SKAP1: variants seen among roughly 807,000 people sequenced by gnomAD.
SKAP1 encodes the protein src kinase associated phosphoprotein 1.
Under a neutral mutation model 58.5 loss-of-function variants are expected in SKAP1, and 44 were observed. The ratio of observed to expected loss-of-function variants is 0.75; its 90% confidence interval spans 0.59 to 0.97. The LOEUF is 0.97. SKAP1 is among the 50% of genes least tolerant of loss of function. SKAP1 has a pLI of 0.00. For missense variants in SKAP1, 390 were observed against 435.2 expected, an observed-to-expected ratio of 0.90 and a Z score of 0.92; for synonymous variants, 127 against 149.7, an observed-to-expected ratio of 0.85 and a Z score of 1.11.
chr17:48,174,940 G>A (rs560276390), intron 9 of SKAP1, among the ~76,000 whole-genome samples: 9 of 152,356 alleles, frequency 5.9e-5, no homozygotes, highest in African/African-American at 2.2e-4. Context: ...TGGGAAAACA[G>A]TTGAAGAAGA....
the SKAP1 span, among the ~76,000 whole-genome samples, chr17:48,437,038 A>G: frequency 6.6e-6 from 1 of 152,002 alleles, no homozygotes; most frequent in African/African-American, 2.4e-5. Context: ...CAGAGTTTCT[A>G]CTTGCCTTTC....
At chr17:48,400,687 GCA>G (rs1214136896) in intron 1 of SKAP1, among the ~76,000 whole-genome samples, 1 of 151,938 alleles carries the variant, frequency 6.6e-6, no homozygotes, top group Non-Finnish European at 1.5e-5. Context: ...GGTTGAGGCT[GCA>G]GTGAGCTGAG....
At chr17:48,259,199 T>C (rs1283029580) in intron 4 of SKAP1, among the ~76,000 whole-genome samples, 4 of 151,980 alleles carry the variant, frequency 2.6e-5, no homozygotes, top group Non-Finnish European at 4.4e-5. Flanking sequence ...CAATGTCAAA[T>C]CTTTAAGCTT....
chr17:48,273,424 T>G (rs1255708385), intron 4 of SKAP1, among the ~76,000 whole-genome samples: 1 of 8,468 alleles, frequency 1.2e-4, no homozygotes, highest in African/African-American at 3.7e-4. Context: ...TTATCACTGT[T>G]TTTTTTTTTT....
At chr17:48,285,106 C>T (rs2144049930) in intron 4 of SKAP1, among the ~76,000 whole-genome samples, 1 of 152,284 alleles carries the variant, frequency 6.6e-6, no homozygotes, top group South Asian at 2.1e-4. Flanking sequence ...TCTAAGCTCT[C>T]CAAATCCTCA....
At chr17:48,443,090 C>T in the SKAP1 span, among the ~76,000 whole-genome samples, 1 of 152,158 alleles carries the variant, frequency 6.6e-6, no homozygotes, top group Non-Finnish European at 1.5e-5. Context: ...CTGTCTACAA[C>T]ACTCTTCCCC....
At chr17:48,323,081 G>A (rs1409658371) in intron 4 of SKAP1, among the ~76,000 whole-genome samples, 1 of 151,966 alleles carries the variant, frequency 6.6e-6, no homozygotes, top group South Asian at 2.1e-4. Flanking sequence ...GGGCAACAGA[G>A]TGAGACTCTG....
At chr17:48,227,036 T>C (rs1349700449) in intron 4 of SKAP1, among the ~76,000 whole-genome samples, 1 of 152,194 alleles carries the variant, frequency 6.6e-6, no homozygotes, top group African/African-American at 2.4e-5. Context: ...TCTCTAGTTT[T>C]GGTTATTGAG....
At chr17:48,435,571 G>A in the SKAP1 span, among the ~76,000 whole-genome samples, 1 of 152,168 alleles carries the variant, frequency 6.6e-6, no homozygotes, top group East Asian at 1.9e-4. Context: ...TTTTCTTCTG[G>A]GGGATTAAGG....
chr17:48,305,334 GC>G (rs2066124395), intron 4 of SKAP1, among the ~76,000 whole-genome samples: 1 of 152,134 alleles, frequency 6.6e-6, no homozygotes, highest in East Asian at 1.9e-4. Context: ...ACAAGTGTGA[GC>G]CACTGCACCT....
At chr17:48,346,137 T>C (rs1598596683) in intron 3 of SKAP1, 131 bp from the exon 4 acceptor site, 1 of 512,140 alleles carries the variant, frequency 2.0e-6, no homozygotes, top group East Asian at 3.4e-5. Flanking sequence ...TACTGGATGA[T>C]GAACATGGCC....
intron 4 of SKAP1, among the ~76,000 whole-genome samples, chr17:48,280,647 C>G (rs1157485509): frequency 1.3e-5 from 2 of 152,192 alleles, no homozygotes; most frequent in Non-Finnish European, 2.9e-5. Flanking sequence ...CTCTGAAAAG[C>G]TCCTTTTTGC....
chr17:48,348,874 TAAAGTACACAA>T (rs1383541873), intron 3 of SKAP1, among the ~76,000 whole-genome samples: 3 of 152,164 alleles, frequency 2.0e-5, no homozygotes, highest in Non-Finnish European at 4.4e-5. Context: ...AGTTCCTCTG[TAAAGTACACAA>T]CGACATAGAT....
At chr17:48,195,547 A>C (rs1360121164) in intron 4 of SKAP1, among the ~76,000 whole-genome samples, 1 of 152,248 alleles carries the variant, frequency 6.6e-6, no homozygotes, top group Non-Finnish European at 1.5e-5. Context: ...TATAGAAAGC[A>C]CTCAAACAGA....
intron 1 of SKAP1, among the ~76,000 whole-genome samples, chr17:48,405,912 A>G (rs1311824175): frequency 1.2e-4 from 19 of 152,172 alleles, no homozygotes; most frequent in Admixed American, 1.2e-3. Context: ...AGAGGATTCA[A>G]ATAATAGAAT....
intron 4 of SKAP1, among the ~76,000 whole-genome samples, chr17:48,252,590 C>T (rs1367651784): frequency 2.0e-5 from 3 of 152,058 alleles, no homozygotes; most frequent in African/African-American, 7.2e-5. Flanking sequence ...GTGTCTTGTT[C>T]TACTTAAGAC....
intron 1 of SKAP1, among the ~76,000 whole-genome samples, chr17:48,402,129 T>A (rs1032923596): frequency 6.6e-6 from 1 of 152,160 alleles, no homozygotes; most frequent in Non-Finnish European, 1.5e-5. Context: ...TGAATGTTGT[T>A]GAAAATGTAG....
chr17:48,183,670 T>C (rs1376386648), intron 7 of SKAP1, among the ~76,000 whole-genome samples: 1 of 152,148 alleles, frequency 6.6e-6, no homozygotes. Flanking sequence ...ACTATCAGAA[T>C]GTAATAATAA....
intron 1 of SKAP1, among the ~76,000 whole-genome samples, chr17:48,421,982 G>A (rs1031957256): frequency 6.6e-6 from 1 of 152,168 alleles, no homozygotes; most frequent in Non-Finnish European, 1.5e-5. Context: ...GGAGGCTGAG[G>A]CGGGCAGATC....
Sources: gnomAD v4.1 joint callset for allele counts (sites outside exome capture counted in the v4.1 genomes callset) on GRCh38, gnomAD v4.1.1 for gene constraint, MANE v1.5 for transcripts, NCBI Gene and HGNC (gene_info 2026-07-23, HGNC 2026-07-21) for gene names.